Variants in VASN observed in about 807,000 individuals in gnomAD.
VASN encodes the protein vasorin, also known as protein slit-like 2.
In VASN, 5 loss-of-function variants were observed where a neutral mutation model predicts 4.8. The observed-to-expected ratio is 1.03, with a 90% CI of 0.54 to 2.17. VASN has a LOEUF of 2.17. VASN is among the 30% of genes most tolerant of loss of function. The pLI, the probability that VASN is intolerant of heterozygous loss-of-function variation, is 0.01. For missense variants in VASN, 927 were observed against 948.8 expected, an observed-to-expected ratio of 0.98 and a Z score of 0.30; for synonymous variants, 499 against 460.8, an observed-to-expected ratio of 1.08 and a Z score of -1.06.
In VASN at chr16:4,382,563, C is replaced by A. The variant is rs2055029369; in HGVS notation, c.1686C>A (p.Asn562Lys). 1.2e-5 allele frequency: 19 copies of A among 1,593,338 alleles called. 1 individual carries two copies. In the South Asian group the frequency reaches 1.5e-4, roughly 12 times the overall value. Residue 562 changes from asparagine (N) to lysine (K), a missense_variant, in exon 2 of 2, where the codon AAC becomes AAA. By Grantham distance (94) the Asn-to-Lys change is moderately conservative. Coordinates refer to ENST00000304735, the MANE Select transcript of VASN (RefSeq NM_138440.3). ...EAHTPPAVHS[N>K]HAPVTQAREG... ...ATACACCCCCAGCCGTCCACTCCAA[C>A]CACGCCCCAGTCACCCAGGCCCGCG...
At chr16:4,375,555 T>C (rs1005612131) in intron 1 of VASN, among the ~76,000 whole-genome samples, 2 of 152,238 alleles carry the variant, frequency 1.3e-5, no homozygotes, top group African/African-American at 4.8e-5. Flanking sequence ...TGGCGCAATA[T>C]TGGCTCACTG....
chr16:4,382,910 G>A lies in VASN; in HGVS notation c.*11G>A. The A allele has an allele frequency of 6.7e-7, 1 of 1,492,162 alleles. No individual in the cohort carries two copies. Among genetic ancestry groups the A allele is most frequent in the Middle Eastern group, 1.8e-4 (1 of 5,540 alleles). The allele number at this position is 1,492,162 out of a possible 1,614,324, so 92.4% of individuals were successfully genotyped here. A position where few individuals can be genotyped will look rare whatever the true frequency, so the allele number is the denominator to read the frequency against. On this transcript the variant is annotated 3_prime_UTR_variant, in exon 2 of 2. Coordinates refer to ENST00000304735, the MANE Select transcript of VASN (RefSeq NM_138440.3). ...AAGCCCTACATCTAAGCCAGAGAGA[G>A]ACAGGGCAGCTGGGGCCGGGCTCTC...
chr16:4,380,863 T>C lies in VASN; in HGVS notation c.-9-6T>C. The C allele has an allele frequency of 6.7e-7, 1 of 1,493,122 alleles. No individual in the cohort carries two copies. The highest frequency in any genetic ancestry group is 2.3e-5 in the East Asian group (1 of 43,276). 92.5% of individuals were successfully genotyped at this position (1,493,122 alleles called of 1,614,324 possible). On this transcript the variant is annotated splice_polypyrimidine_tract_variant and splice_region_variant and intron_variant, in intron 1 of 1. Transcript: ENST00000304735. Reference sequence around the variant, plus strand: ...TCTTCTGTCTCTGCCTCCTCTCTGCTCCCAGGGACAGAAGATGTGCTCCAG... The same window carrying C: ...TCTTCTGTCTCTGCCTCCTCTCTGCCCCCAGGGACAGAAGATGTGCTCCAG...
chr16:4,378,110 A>G (rs1207988546), intron 1 of VASN, among the ~76,000 whole-genome samples: 1 of 152,008 alleles, frequency 6.6e-6, no homozygotes, highest in South Asian at 2.1e-4. Flanking sequence ...ACGTGCCCCT[A>G]AGAGCTGGCC....
intron 1 of VASN, among the ~76,000 whole-genome samples, chr16:4,376,089 C>T (rs1391941954): frequency 6.6e-6 from 1 of 152,170 alleles, no homozygotes; most frequent in Non-Finnish European, 1.5e-5. Context: ...GGGGTCCCCG[C>T]GCCTATAGGG....
chr16:4,380,937 G>A lies in VASN; in HGVS notation c.60G>A (p.Gly20=), dbSNP rs748776594. 488 of 1,590,202 alleles carry A rather than the reference G, an allele frequency of 3.1e-4. No homozygotes were observed. Among genetic ancestry groups the A allele is most frequent in the Non-Finnish European group, 4.1e-4 (477 of 1,171,448 alleles). The change falls in exon 2 of 2, where the codon GGG becomes GGA. Residue 20 remains glycine, a synonymous_variant. Coordinates refer to ENST00000304735, the MANE Select transcript of VASN (RefSeq NM_138440.3). Reference sequence around the variant, plus strand: ...TCCTGCTACTGGCCCTGGGGCCTGGGGTGCAGGGCTGCCCATCCGGCTGCC... The same window carrying A: ...TCCTGCTACTGGCCCTGGGGCCTGGAGTGCAGGGCTGCCCATCCGGCTGCC... The part of the protein sequence containing the change: ...PLLLLLALGP[G]VQGCPSGCQC...
At position 4,382,461 on chromosome 16, in the gene VASN, C is replaced by T. The variant is rs370628475; in HGVS notation, c.1584C>T (p.Asn528=). 7.5e-5 allele frequency: 120 copies of T among 1,608,182 alleles called. 2 individuals carry two copies. In the Middle Eastern group the frequency reaches 1.8e-3, roughly 24 times the overall value. The change falls in exon 2 of 2, where the codon AAC becomes AAT. Residue 528 remains asparagine, a synonymous_variant. Transcript: ENST00000304735. The stretch of plus-strand genomic sequence containing the variant: ...ACACGGTCACCCAGCTGCGGCCCAA[C>T]GCCACTTACTCCGTCTGTGTCATGC... The part of the protein sequence containing the change: ...AEYTVTQLRP[N]ATYSVCVMPL...
rs1468384795 is a variant in VASN, at chr16:4,382,432, G to A, written c.1555G>A (p.Glu519Lys). 1.2e-6 allele frequency: 2 copies of A among 1,611,132 alleles called. No homozygotes were observed. Among genetic ancestry groups the A allele is most frequent in the East Asian group, 2.2e-5 (1 of 44,828 alleles). The change falls in exon 2 of 2, where the codon GAG becomes AAG. Residue 519 changes from glutamate (E) to lysine (K), a missense_variant. Coordinates refer to ENST00000304735, the MANE Select transcript of VASN (RefSeq NM_138440.3). ...VTLRLPASLA[E>K]YTVTQLRPNA... The stretch of plus-strand genomic sequence containing the variant: ...GCTGCGACTGCCTGCCTCGCTCGCT[G>A]AGTACACGGTCACCCAGCTGCGGCC...
Position 4,381,912 on chromosome 16 carries a change from C to T in VASN, c.1035C>T (p.Ala345=), listed in dbSNP as rs147039332. 255 of 1,606,352 alleles carry T rather than the reference C, an allele frequency of 1.6e-4. 1 individual carries two copies. Among genetic ancestry groups the T allele is most frequent in the South Asian group, 8.1e-4 (74 of 90,824 alleles). The part of the protein sequence containing the change: ...AGRLLLELDY[A]DFGCPATTTT... ...GGCTGCTCCTGGAGCTTGACTACGCCGACTTTGGCTGCCCAGCCACCACCA... is the reference window on the plus strand; with the variant it reads ...GGCTGCTCCTGGAGCTTGACTACGCTGACTTTGGCTGCCCAGCCACCACCA... Residue 345 remains alanine, a synonymous_variant, in exon 2 of 2, where the codon GCC becomes GCT. Transcript: ENST00000304735.
At chr16:4,372,856 G>A (rs1412403126) in intron 1 of VASN, among the ~76,000 whole-genome samples, 2 of 152,166 alleles carry the variant, frequency 1.3e-5, no homozygotes, top group Non-Finnish European at 2.9e-5. Context: ...GGTCCTGGGG[G>A]TCTAGGTGTC....
Position 4,381,952 on chromosome 16 carries a change from CCCA to C in VASN, c.1080_1082del (p.Thr361del). The C allele has an allele frequency of 1.2e-6, 2 of 1,608,434 alleles. No individual in the cohort carries two copies. Among genetic ancestry groups the C allele is most frequent in the South Asian group, 1.1e-5 (1 of 90,678 alleles). ...AGCCACCACCACCACAGCCACAGTGCCCACCACGAGGCCCGTGGTGCGGGAGCC... is the reference window on the plus strand; with the variant it reads ...AGCCACCACCACCACAGCCACAGTGCCCACGAGGCCCGTGGTGCGGGAGCC... On this transcript the variant is annotated inframe_deletion, in exon 2 of 2. Coordinates refer to ENST00000304735, the MANE Select transcript of VASN (RefSeq NM_138440.3).
At chr16:4,376,810 A>G (rs543948681) in intron 1 of VASN, among the ~76,000 whole-genome samples, 2 of 151,864 alleles carry the variant, frequency 1.3e-5, no homozygotes, top group East Asian at 3.9e-4. Flanking sequence ...AACCAGAGAT[A>G]CCCCACCCCC....
rs1297022930 is a variant in VASN, at chr16:4,371,857, G to A, written c.-146G>A. 1 of 152,144 alleles carries A rather than the reference G, an allele frequency of 6.6e-6. No homozygotes were observed. Among genetic ancestry groups the A allele is most frequent in the Non-Finnish European group, 1.5e-5 (1 of 68,010 alleles). The allele number at this position is 152,144 out of a possible 1,614,324, so 9.4% of individuals were successfully genotyped here. On this transcript the variant is annotated 5_prime_UTR_variant, in exon 1 of 2. Coordinates refer to ENST00000304735, the MANE Select transcript of VASN (RefSeq NM_138440.3). The stretch of plus-strand genomic sequence containing the variant: ...CTGCCTCCAGCGAGCCGACTCCGGA[G>A]CCCGAGCCCGGGGCGGGTGGACGCG...
rs769764441 is a variant in VASN, at chr16:4,381,661, G to A, written c.784G>A (p.Gly262Ser). Reference protein sequence around the residue: ...IAQLRPEDLAGLAALQELDVS... With the variant: ...IAQLRPEDLASLAALQELDVS... Reference sequence around the variant, plus strand: ...CCAGCTGCGGCCCGAGGACCTGGCCGGCCTGGCTGCCCTGCAGGAGCTGGA... The same window carrying A: ...CCAGCTGCGGCCCGAGGACCTGGCCAGCCTGGCTGCCCTGCAGGAGCTGGA... Residue 262 changes from glycine (G) to serine (S), a missense_variant, in exon 2 of 2, where the codon GGC (glycine) becomes AGC (serine). Gly to Ser is a moderately conservative substitution (Grantham distance 56, BLOSUM62 0). Coordinates refer to ENST00000304735, the MANE Select transcript of VASN (RefSeq NM_138440.3). The A allele has an allele frequency of 2.4e-5, 39 of 1,603,796 alleles. No homozygotes were observed. The Admixed American group carries it at 4.1e-4, about 17-fold the overall frequency.
rs1269731688 is a variant in VASN, at chr16:4,383,078, C to T, written c.*179C>T. The T allele has an allele frequency of 2.9e-6, 2 of 685,634 alleles. No homozygotes were observed. The highest frequency in any genetic ancestry group is 3.8e-5 in the African/African-American group (2 of 53,208). 42.5% of individuals were successfully genotyped at this position (685,634 alleles called of 1,614,324 possible). On this transcript the variant is annotated 3_prime_UTR_variant, in exon 2 of 2. Transcript: ENST00000304735. Reference sequence around the variant, plus strand: ...CCTCGGTCTCCTCATCTGTGAGATGCTGTGGCCCAGCTGACGAGCCCTAAC... The same window carrying T: ...CCTCGGTCTCCTCATCTGTGAGATGTTGTGGCCCAGCTGACGAGCCCTAAC...
At chr16:4,374,086 CGTGTGTGT>C (rs112578905) in intron 1 of VASN, among the ~76,000 whole-genome samples, 1 of 148,702 alleles carries the variant, frequency 6.7e-6, no homozygotes, top group African/African-American at 2.5e-5. Flanking sequence ...GGAGGGTGCA[CGTGTGTGT>C]GTGTGTGTGT....
rs149925494 is a variant in VASN at position 4,381,354 on chromosome 16, G to T, written c.477G>T (p.Glu159Asp). The change falls in exon 2 of 2, where the codon GAG becomes GAT. Residue 159 changes from glutamate to aspartate, a missense_variant. By Grantham distance (45) the Glu-to-Asp change is conservative (BLOSUM62 2). Coordinates refer to ENST00000304735, the MANE Select transcript of VASN (RefSeq NM_138440.3). ...RLLELKLQDN[E>D]LRALPPLRLP... ...TGGAGCTCAAGCTGCAGGACAACGAGCTGCGGGCACTGCCCCCGCTGCGCC... is the reference window on the plus strand; with the variant it reads ...TGGAGCTCAAGCTGCAGGACAACGATCTGCGGGCACTGCCCCCGCTGCGCC... 52 of 1,600,842 alleles carry T rather than the reference G, an allele frequency of 3.2e-5. No homozygotes were observed. In the African/African-American group the frequency reaches 6.6e-4, roughly 20 times the overall value.
intron 1 of VASN, among the ~76,000 whole-genome samples, chr16:4,378,169 G>A (rs1160748920): frequency 6.6e-6 from 1 of 152,186 alleles, no homozygotes; most frequent in Non-Finnish European, 1.5e-5. Context: ...ATCCCCCACT[G>A]CAGCCCTGAA....
chr16:4,379,512 T>C (rs745642820), intron 1 of VASN, among the ~76,000 whole-genome samples: 8 of 152,122 alleles, frequency 5.3e-5, no homozygotes, highest in Non-Finnish European at 1.2e-4. Context: ...ACACCTGGGC[T>C]CTAGCTCGGA....
Sources: allele counts gnomAD v4.1 joint callset (sites outside exome capture counted in the v4.1 genomes callset), GRCh38; gene constraint gnomAD v4.1.1; transcripts MANE v1.5; gene names NCBI Gene and HGNC (gene_info 2026-07-23, HGNC 2026-07-21).